Variants in USP45 observed in about 807,000 individuals in gnomAD.
USP45 encodes ubiquitin specific peptidase 45, also known as ubiquitin carboxyl-terminal hydrolase 45.
In USP45, 89 loss-of-function variants were observed where a neutral mutation model predicts 95.8. The ratio of observed to expected loss-of-function variants is 0.93; its 90% confidence interval spans 0.78 to 1.11. USP45 has a LOEUF of 1.11. Ranked by LOEUF, USP45 falls within the 50% of genes least tolerant of loss-of-function variation. The pLI, the probability that USP45 is intolerant of heterozygous loss-of-function variation, is 0.00. For missense variants in USP45, 898 were observed against 942.5 expected (o/e 0.95, Z 0.62); for synonymous variants, 281 against 316.2 (o/e 0.89, Z 1.18).
At chr6:99,490,906 G>GA (rs1795028087) in intron 5 of USP45, among the ~76,000 whole-genome samples, 1 of 152,084 alleles carries the variant, frequency 6.6e-6, no homozygotes, top group Admixed American at 6.6e-5. Context: ...CTATTTCATG[G>GA]AAAAAAGTTT....
chr6:99,462,021 A>AT lies in USP45; in HGVS notation c.1308+2582dup, dbSNP rs146091991. On this transcript the variant is annotated intron_variant, in intron 13 of 17. Transcript: ENST00000500704. The stretch of plus-strand genomic sequence containing the variant: ...ACTGAAATACATTTATGTCATTTAA[A>AT]TTTTCGCTTCTTGAATATAGTACCT... 1.1e-3 allele frequency: 1,069 copies of AT among 985,188 alleles called. 10 individuals carry two copies. In the African/African-American group the frequency reaches 0.018, roughly 16 times the overall value. The allele number at this position is 985,188 out of a possible 1,614,324, so 61.0% of individuals were successfully genotyped here.
At chr6:99,471,948 T>A (rs1789499455) in intron 9 of USP45, among the ~76,000 whole-genome samples, 1 of 152,160 alleles carries the variant, frequency 6.6e-6, no homozygotes, top group Non-Finnish European at 1.5e-5. Context: ...ACATTTTAAT[T>A]TTACTGCACC....
rs1021527589 is a variant in USP45, at chr6:99,444,530, A to G, written c.1976-868T>C. Among the ~76,000 whole-genome samples, 5 of 152,128 alleles carry G rather than the reference A, an allele frequency of 3.3e-5. No individual in the cohort carries two copies. The East Asian group carries it at 9.6e-4, about 29-fold the overall frequency. The stretch of plus-strand genomic sequence containing the variant: ...CAACTTACATATGCATGCCTGTCAC[A>G]TGCAAACCAATCCAGAGCCCAGAGC... On this transcript the variant is annotated intron_variant, in intron 14 of 17. Transcript: ENST00000500704.
chr6:99,481,502 C>A (rs569746804), intron 8 of USP45, among the ~76,000 whole-genome samples: 1 of 152,202 alleles, frequency 6.6e-6, no homozygotes, highest in South Asian at 2.1e-4. Context: ...GACCTAGTAA[C>A]TTTTTTTGTT....
rs138993584 is a variant in USP45, at chr6:99,499,445, C to T, written c.478+4320G>A. On this transcript the variant is annotated intron_variant, in intron 5 of 17. Coordinates refer to ENST00000500704, the MANE Select transcript of USP45 (RefSeq NM_001346022.3). ...ATATTTTATAAAAATATACGGAAGC[C>T]GCATACAAGGCACAATATGGCAAAC... 1.9e-3 allele frequency among the ~76,000 whole-genome samples: 286 copies of T among 152,154 alleles called. 5 individuals carry two copies. The East Asian group carries it at 0.048, about 25-fold the overall frequency.
chr6:99,443,016 G>A (rs577078143), intron 15 of USP45, among the ~76,000 whole-genome samples: 1 of 151,084 alleles, frequency 6.6e-6, no homozygotes, highest in African/African-American at 2.4e-5. Flanking sequence ...TCAGGAGTTC[G>A]AAACCAGCCT....
intron 1 of USP45, 96 bp from the exon 2 acceptor site, chr6:99,510,326 A>G: frequency 2.7e-6 from 2 of 749,664 alleles, no homozygotes; most frequent in Non-Finnish European, 4.4e-6. Context: ...AATGACTTCA[A>G]TTTCAACTGG....
Position 99,452,845 on chromosome 6 carries a change from C to A in USP45, c.1309-6382G>T, listed in dbSNP as rs1562322568. ...ATATACACCATGGAATACTATGCAG[C>A]CATAAAAAAGGATGAGTTCATGTCC... On this transcript the variant is annotated intron_variant, in intron 13 of 17. Coordinates refer to ENST00000500704, the MANE Select transcript of USP45 (RefSeq NM_001346022.3). Among the ~76,000 whole-genome samples the A allele has an allele frequency of 2.0e-5, 3 of 152,012 alleles. No homozygotes were observed. The South Asian group carries it at 6.2e-4, about 32-fold the overall frequency.
intron 4 of USP45, among the ~76,000 whole-genome samples, chr6:99,505,790 C>A (rs1242911312): frequency 6.6e-6 from 1 of 152,138 alleles, no homozygotes; most frequent in African/African-American, 2.4e-5. Flanking sequence ...TTGTTAAATG[C>A]AAATTCTCTG....
intron 13 of USP45, among the ~76,000 whole-genome samples, chr6:99,450,671 C>T (rs1193859587): frequency 1.3e-5 from 2 of 152,202 alleles, no homozygotes; most frequent in Non-Finnish European, 2.9e-5. Flanking sequence ...GGAATCTTTC[C>T]TAACTCATTT....
chr6:99,485,849 A>G (rs1010837892), intron 7 of USP45, among the ~76,000 whole-genome samples: 1 of 152,222 alleles, frequency 6.6e-6, no homozygotes, highest in African/African-American at 2.4e-5. Flanking sequence ...AATCAGTGTA[A>G]TTCACCACAT....
chr6:99,511,284 T>C (rs1252460978), intron 1 of USP45, among the ~76,000 whole-genome samples: 1 of 152,072 alleles, frequency 6.6e-6, no homozygotes, highest in African/African-American at 2.4e-5. Context: ...CCCAAGTAGC[T>C]GGGATTACAG....
chr6:99,466,911 T>G, intron 10 of USP45, 148 bp from the exon 11 acceptor site: 1 of 601,154 alleles, frequency 1.7e-6, no homozygotes, highest in Non-Finnish European at 2.9e-6. Context: ...TACAACATTC[T>G]AAAGTCTTTC....
At chr6:99,458,802 G>A (rs1785662050) in intron 13 of USP45, among the ~76,000 whole-genome samples, 2 of 152,192 alleles carry the variant, frequency 1.3e-5, no homozygotes, top group Non-Finnish European at 2.9e-5. Context: ...TACAGGAGGA[G>A]AATGGGACTG....
rs755646672 is a variant in USP45, at chr6:99,446,039, T to C, written c.1733A>G (p.Asn578Ser). The stretch of plus-strand genomic sequence containing the variant: ...ATTATTTGAAATATTTAGTGGCTGA[T>C]TTTCTCTGTCAAAATCTTGATCTCC... Reference protein sequence around the residue: ...VTGDQDFDRENQPLNISNNLC... With the variant: ...VTGDQDFDRESQPLNISNNLC... Residue 578 changes from asparagine to serine, a missense_variant, in exon 14 of 18, where the codon AAT (asparagine) becomes AGT (serine). Physicochemically the swap from Asn to Ser is conservative, Grantham distance 46. Transcript: ENST00000500704. 2 of 1,614,112 alleles carry C rather than the reference T, an allele frequency of 1.2e-6. No homozygotes were observed. Among genetic ancestry groups the C allele is most frequent in the South Asian group, 2.2e-5 (2 of 91,086 alleles).
intron 4 of USP45, 47 bp downstream of exon 4, chr6:99,507,380 TG>T: frequency 1.8e-6 from 2 of 1,125,784 alleles, no homozygotes; most frequent in South Asian, 1.6e-5. Context: ...AAAAAAAAAT[TG>T]GGGGGCTGTG....
intron 15 of USP45, among the ~76,000 whole-genome samples, chr6:99,441,586 C>T (rs1016425906): frequency 6.6e-6 from 1 of 152,036 alleles, no homozygotes; most frequent in Non-Finnish European, 1.5e-5. Flanking sequence ...AAATTGCTTT[C>T]TAGCAGGTGT....
intron 14 of USP45, among the ~76,000 whole-genome samples, chr6:99,444,031 TTTC>T: frequency 6.6e-6 from 1 of 152,146 alleles, no homozygotes; most frequent in South Asian, 2.1e-4. Context: ...ATTTTTTTTT[TTTC>T]TTTTGAGATT....
At chr6:99,513,635 G>C (rs1327353737) in intron 1 of USP45, among the ~76,000 whole-genome samples, 1 of 152,138 alleles carries the variant, frequency 6.6e-6, no homozygotes, top group Non-Finnish European at 1.5e-5. Flanking sequence ...CCAGGCATTT[G>C]ACCTACATAC....
Sources: gnomAD v4.1 joint callset for allele counts (sites outside exome capture counted in the v4.1 genomes callset) on GRCh38, gnomAD v4.1.1 for gene constraint, MANE v1.5 for transcripts, NCBI Gene and HGNC (gene_info 2026-07-23, HGNC 2026-07-21) for gene names.